EYS: variants seen among roughly 807,000 people sequenced by gnomAD.
EYS encodes protein eyes shut homolog.
EYS carries 250 observed loss-of-function variants against 282.1 expected under a neutral mutation model. The observed-to-expected ratio is 0.89, with a 90% CI of 0.80 to 0.98. The LOEUF is 0.98. Among genes scored for constraint, EYS ranks in the 50% least tolerant of loss-of-function variants. The pLI, the probability that EYS is intolerant of heterozygous loss-of-function variation, is 0.00. For missense variants in EYS, 4,016 were observed against 3,709.0 expected (o/e 1.08, Z -2.15); for synonymous variants, 1,355 against 1,282.9 (o/e 1.06, Z -1.20).
At chr6:65,243,139 T>C (rs1196781018) in intron 12 of EYS, among the ~76,000 whole-genome samples, 2 of 152,236 alleles carry the variant, frequency 1.3e-5, no homozygotes, top group East Asian at 3.8e-4. Context: ...CATATTTTGA[T>C]GTGCATTCAT....
chr6:65,377,374 A>G (rs1357371340), intron 8 of EYS, among the ~76,000 whole-genome samples: 1 of 152,208 alleles, frequency 6.6e-6, no homozygotes, highest in Non-Finnish European at 1.5e-5. Flanking sequence ...GAGCTAAAGC[A>G]CTATTTACAG....
At chr6:65,181,577 T>C (rs1484079241) in intron 12 of EYS, among the ~76,000 whole-genome samples, 1 of 152,038 alleles carries the variant, frequency 6.6e-6, no homozygotes, top group Non-Finnish European at 1.5e-5. Flanking sequence ...GGAGAGGATA[T>C]GGAGAAATAG....
At chr6:64,299,643 C>G (rs780540032) in intron 30 of EYS, among the ~76,000 whole-genome samples, 7 of 152,224 alleles carry the variant, frequency 4.6e-5, no homozygotes, top group Non-Finnish European at 7.3e-5. Context: ...ATCAGCTCAA[C>G]AGAAACAGTA....
At chr6:63,877,385 C>T (rs1481900241) in intron 35 of EYS, among the ~76,000 whole-genome samples, 2 of 152,184 alleles carry the variant, frequency 1.3e-5, no homozygotes, top group Admixed American at 1.3e-4. Context: ...TGACCTTTCT[C>T]TCTGGCCGCC....
chr6:64,686,923 A>G lies in EYS; in HGVS notation c.3444-60678T>C, dbSNP rs147619501. Among the ~76,000 whole-genome samples the G allele has an allele frequency of 3.8e-3, 545 of 143,718 alleles. 31 individuals carry two copies. The highest frequency in any genetic ancestry group is 0.013 in the African/African-American group (518 of 38,802). 94.3% of individuals were successfully genotyped at this position (143,718 alleles called of 152,430 possible). A position where few individuals can be genotyped will look rare whatever the true frequency, so the allele number is the denominator to read the frequency against. On this transcript the variant is annotated intron_variant, in intron 22 of 42. Coordinates refer to ENST00000503581, the MANE Select transcript of EYS (RefSeq NM_001142800.2). The stretch of plus-strand genomic sequence containing the variant: ...TGTGTATATATATACACACATATAT[A>G]TACGTATATATATACACATATATAT...
At chr6:65,343,824 A>G (rs985169266) in intron 10 of EYS, among the ~76,000 whole-genome samples, 3 of 151,520 alleles carry the variant, frequency 2.0e-5, no homozygotes, top group African/African-American at 7.3e-5. Flanking sequence ...TGATTCTTCA[A>G]AATTTTTACT....
chr6:64,095,531 T>A (rs1490543155), intron 31 of EYS, among the ~76,000 whole-genome samples: 6 of 152,186 alleles, frequency 3.9e-5, no homozygotes, highest in Admixed American at 3.9e-4. Flanking sequence ...TCTCTTTTGA[T>A]CTTTGTTGGT....
chr6:64,828,666 T>C (rs1428393239), intron 19 of EYS, among the ~76,000 whole-genome samples: 3 of 151,994 alleles, frequency 2.0e-5, no homozygotes, highest in Non-Finnish European at 2.9e-5. Context: ...GAACTGCCAA[T>C]GCATTTGGCA....
At chr6:64,687,159 G>C (rs1183731939) in intron 22 of EYS, among the ~76,000 whole-genome samples, 1 of 151,520 alleles carries the variant, frequency 6.6e-6, no homozygotes, top group Non-Finnish European at 1.5e-5. Flanking sequence ...TCTAAAACTA[G>C]AGAGAAAGAA....
intron 33 of EYS, among the ~76,000 whole-genome samples, chr6:64,042,388 TG>T (rs1160994650): frequency 6.6e-6 from 1 of 152,172 alleles, no homozygotes; most frequent in Non-Finnish European, 1.5e-5. Context: ...GACTGGAAAA[TG>T]GGGAATAAGT....
chr6:64,624,112 C>G (rs1767529073), intron 23 of EYS, among the ~76,000 whole-genome samples: 2 of 152,092 alleles, frequency 1.3e-5, no homozygotes, highest in African/African-American at 2.4e-5. Context: ...AAGGTATCAG[C>G]AGATTTTGAA....
chr6:64,274,953 G>A (rs1158321425), intron 30 of EYS, among the ~76,000 whole-genome samples: 1 of 152,142 alleles, frequency 6.6e-6, no homozygotes, highest in African/African-American at 2.4e-5. Flanking sequence ...AAAGAGCTCT[G>A]AACGTGATTT....
chr6:65,324,231 A>G (rs535038982), intron 11 of EYS, among the ~76,000 whole-genome samples: 4 of 151,690 alleles, frequency 2.6e-5, no homozygotes, highest in Non-Finnish European at 5.9e-5. Flanking sequence ...TTATTTGTTT[A>G]TTTCTTCATT....
intron 11 of EYS, chr6:65,300,741 C>G (rs1478079696): frequency 1.3e-5 from 2 of 152,206 alleles, no homozygotes; most frequent in East Asian, 3.8e-4. Context: ...CTCTCTAATT[C>G]TCTCAGAGTC....
At chr6:65,585,603 A>T (rs1249468536) in intron 2 of EYS, among the ~76,000 whole-genome samples, 3 of 151,938 alleles carry the variant, frequency 2.0e-5, no homozygotes, top group African/African-American at 7.2e-5. Flanking sequence ...TTTTTAGTGT[A>T]CTCTTTGAAG....
intron 22 of EYS, among the ~76,000 whole-genome samples, chr6:64,655,697 A>G (rs1419530864): frequency 1.3e-5 from 2 of 152,030 alleles, no homozygotes; most frequent in Non-Finnish European, 2.9e-5. Context: ...TTCTATATAT[A>G]TAATAAGTCA....
chr6:64,139,219 G>A lies in EYS; in HGVS notation c.6425-57217C>T, dbSNP rs141612502. ...GTCTTCAGAACATAAAAATAGGGTT[G>A]AAATCCTGAATTCATGTTCACCCAA... On this transcript the variant is annotated intron_variant, in intron 31 of 42. Transcript: ENST00000503581. Among the ~76,000 whole-genome samples, 788 of 152,254 alleles carry A rather than the reference G, an allele frequency of 5.2e-3. 6 individuals carry two copies. Among genetic ancestry groups the A allele is most frequent in the African/African-American group, 0.018 (728 of 41,552 alleles).
At chr6:64,575,222 T>G (rs1234255986) in intron 26 of EYS, among the ~76,000 whole-genome samples, 1 of 152,196 alleles carries the variant, frequency 6.6e-6, no homozygotes, top group Non-Finnish European at 1.5e-5. Context: ...ATGGATTGAA[T>G]TTTCATGTCT....
At chr6:64,955,497 T>C (rs1478701478) in intron 14 of EYS, among the ~76,000 whole-genome samples, 1 of 152,098 alleles carries the variant, frequency 6.6e-6, no homozygotes, top group African/African-American at 2.4e-5. Context: ...ACCACCCTTG[T>C]GGTGTAGTTA....
Sources: gnomAD v4.1 joint callset for allele counts (sites outside exome capture counted in the v4.1 genomes callset) on GRCh38, gnomAD v4.1.1 for gene constraint, MANE v1.5 for transcripts, NCBI Gene and HGNC (gene_info 2026-07-23, HGNC 2026-07-21) for gene names.